EML5: variants seen among roughly 807,000 people sequenced by gnomAD.
EML5 encodes echinoderm microtubule-associated protein-like 5.
In EML5, 120 loss-of-function variants were observed where a neutral mutation model predicts 250.0. The ratio of observed to expected loss-of-function variants is 0.48; its 90% CI spans 0.41 to 0.56. The LOEUF (loss-of-function observed/expected upper bound fraction) is 0.56. Ranked by LOEUF, EML5 falls within the 20% of genes least tolerant of loss-of-function variation. EML5 has a pLI of 0.00. For missense variants in EML5, 2,006 were observed against 2,437.6 expected (o/e 0.82, Z 3.73); for synonymous variants, 771 against 806.5 (o/e 0.96, Z 0.75).
At chr14:88,754,176 A>G (rs1383674080) in intron 2 of EML5, among the ~76,000 whole-genome samples, 1 of 152,178 alleles carries the variant, frequency 6.6e-6, no homozygotes, top group Admixed American at 6.5e-5. Context: ...TTTCTGAGAA[A>G]CTTAATTTTC....
chr14:88,711,280 G>C (rs1194239275), intron 10 of EML5, among the ~76,000 whole-genome samples: 1 of 150,308 alleles, frequency 6.7e-6, no homozygotes, highest in Non-Finnish European at 1.5e-5. Flanking sequence ...GGAGAGACCT[G>C]GTGGGAGGTG....
intron 33 of EML5, among the ~76,000 whole-genome samples, chr14:88,628,319 T>C (rs1429312506): frequency 6.6e-6 from 1 of 152,040 alleles, no homozygotes; most frequent in Non-Finnish European, 1.5e-5. Flanking sequence ...TTTTCAACCA[T>C]ACAGATAGAC....
chr14:88,789,337 A>C (rs2094583437), intron 1 of EML5, among the ~76,000 whole-genome samples: 1 of 152,222 alleles, frequency 6.6e-6, no homozygotes, highest in Non-Finnish European at 1.5e-5. Flanking sequence ...TCTGACATTG[A>C]AACTAATTGC....
intron 1 of EML5, among the ~76,000 whole-genome samples, chr14:88,781,913 T>G (rs192871683): frequency 6.6e-6 from 1 of 152,298 alleles, no homozygotes; most frequent in African/African-American, 2.4e-5. Context: ...ACTAATTCAG[T>G]AAATTGGTAA....
Position 88,684,997 on chromosome 14 carries a change from A to G in EML5, c.2982+18T>C. 6.3e-7 allele frequency: 1 copy of G among 1,589,256 alleles called. No homozygotes were observed. The highest frequency in any genetic ancestry group is 1.2e-5 in the South Asian group (1 of 85,434). On this transcript the variant is annotated intron_variant, in intron 20 of 43. Coordinates refer to ENST00000554922, the MANE Select transcript of EML5 (RefSeq NM_183387.3). Reference sequence around the variant, plus strand: ...ATTGTATGTAAAGAAAAAAAAACAAATTAGCATTTAAAATTACCTGAACCA... The same window carrying G: ...ATTGTATGTAAAGAAAAAAAAACAAGTTAGCATTTAAAATTACCTGAACCA...
chr14:88,742,923 A>G (rs1021455364), intron 4 of EML5, among the ~76,000 whole-genome samples: 4 of 152,160 alleles, frequency 2.6e-5, no homozygotes, highest in African/African-American at 9.6e-5. Flanking sequence ...TAATTAATTC[A>G]CTAGGAATTA....
intron 29 of EML5, among the ~76,000 whole-genome samples, chr14:88,646,726 A>G (rs2091366884): frequency 6.6e-6 from 1 of 152,160 alleles, no homozygotes; most frequent in Non-Finnish European, 1.5e-5. Context: ...AAAATTATAC[A>G]AGTTGAATGG....
chr14:88,691,221 A>G (rs2092951495), intron 17 of EML5, among the ~76,000 whole-genome samples: 1 of 152,160 alleles, frequency 6.6e-6, no homozygotes, highest in Non-Finnish European at 1.5e-5. Flanking sequence ...GGGGTAGTGA[A>G]GCTCACTACA....
intron 1 of EML5, among the ~76,000 whole-genome samples, chr14:88,766,516 T>C (rs1220565266): frequency 6.6e-6 from 1 of 152,174 alleles, no homozygotes; most frequent in East Asian, 1.9e-4. Flanking sequence ...TCCTGCCTAA[T>C]AAATTTTGGT....
chr14:88,692,159 G>A (rs1415219149), intron 17 of EML5, among the ~76,000 whole-genome samples: 1 of 152,092 alleles, frequency 6.6e-6, no homozygotes, highest in Non-Finnish European at 1.5e-5. Flanking sequence ...TTGATCACCT[G>A]GAGTCAGGGA....
At chr14:88,657,277 C>A (rs1369411120) in intron 27 of EML5, 99 bp downstream of exon 27, 1 of 1,167,858 alleles carries the variant, frequency 8.6e-7, no homozygotes, top group Admixed American at 2.6e-5. Flanking sequence ...GCAAGAATAT[C>A]ACTGTTACTT....
At chr14:88,647,031 G>A in intron 28 of EML5, 76 bp from the exon 29 acceptor site, 3 of 1,335,628 alleles carry the variant, frequency 2.2e-6, no homozygotes, top group Non-Finnish European at 2.1e-6. Flanking sequence ...AATACCTCCT[G>A]TAATAAAATA....
At chr14:88,626,502 T>TAGTC in intron 35 of EML5, 1 of 245,460 alleles carries the variant, frequency 4.1e-6, no homozygotes, top group East Asian at 9.1e-5. Context: ...TCCTGCCCTG[T>TAGTC]AGTCCCAGCT....
chr14:88,703,055 T>TA (rs1354884103), intron 13 of EML5, among the ~76,000 whole-genome samples: 4 of 151,812 alleles, frequency 2.6e-5, no homozygotes, highest in South Asian at 2.1e-4. Flanking sequence ...CCTGAACAAT[T>TA]AAAAAAATAC....
chr14:88,698,265 CTT>C (rs60164768), intron 14 of EML5, among the ~76,000 whole-genome samples: 16 of 119,910 alleles, frequency 1.3e-4, no homozygotes, highest in Middle Eastern at 4.5e-3. Context: ...CTCCAGTTTC[CTT>C]TTTTTTTTTT....
chr14:88,618,747 A>G lies in EML5; in HGVS notation c.5441T>C (p.Leu1814Pro), dbSNP rs763433355. 1 of 1,605,168 alleles carries G rather than the reference A, an allele frequency of 6.2e-7. No individual in the cohort carries two copies. The highest frequency in any genetic ancestry group is 8.5e-7 in the Non-Finnish European group (1 of 1,175,150). The change falls in exon 40 of 44, where the codon CTA (leucine) becomes CCA (proline). Residue 1814 changes from leucine (L) to proline (P), a missense_variant. By Grantham distance (98) the Leu-to-Pro change is moderately conservative. Around this residue, in one of 7 missense-constraint regions of EML5, gnomAD observed 405 missense variants for 523.3 expected, o/e 0.77. Transcript: ENST00000554922. ...TCTGTTAAGAGTGGGGCCCAGCGTT[A>G]GGTCATAAAAATCCACTGAGTTCTC... ...SSENSVDFYD[L>P]TLGPTLNRIS...
intron 9 of EML5, among the ~76,000 whole-genome samples, chr14:88,714,405 G>C (rs1017694723): frequency 2.0e-5 from 3 of 152,048 alleles, no homozygotes; most frequent in Non-Finnish European, 4.4e-5. Flanking sequence ...GTGGGGGCCG[G>C]GGTGGATATA....
chr14:88,696,863 A>G lies in EML5; in HGVS notation c.2328T>C (p.Ser776=), dbSNP rs777845195. ...CAGCCTTACCTGAGAAATCAACGGC[A>G]CTAACACCATACTGGTGGTGGCCCT... The part of the protein sequence containing the change: ...ILKGHHQYGV[S]AVDFSADGKR... Residue 776 remains serine, a synonymous_variant, in exon 15 of 44, where the codon AGT becomes AGC. Transcript: ENST00000554922. 4.4e-6 allele frequency: 7 copies of G among 1,606,892 alleles called. No homozygotes were observed. Among genetic ancestry groups the G allele is most frequent in the Non-Finnish European group, 5.9e-6 (7 of 1,176,694 alleles).
At chr14:88,690,292 T>C (rs569274821) in intron 17 of EML5, among the ~76,000 whole-genome samples, 12 of 152,172 alleles carry the variant, frequency 7.9e-5, no homozygotes, top group Admixed American at 4.6e-4. Context: ...GATCTGGCAA[T>C]TGATTTATTA....
Sources: gnomAD v4.1 joint callset for allele counts (sites outside exome capture counted in the v4.1 genomes callset) on GRCh38, gnomAD v4.1.1 for gene constraint, gnomAD v4.1.1 regional missense constraint, MANE v1.5 for transcripts, NCBI Gene and HGNC (gene_info 2026-07-23, HGNC 2026-07-21) for gene names.